Variants in MAP3K13 observed in about 807,000 individuals in gnomAD.
MAP3K13 encodes mitogen-activated protein kinase kinase kinase 13.
In MAP3K13, 52 loss-of-function variants were observed where a neutral mutation model predicts 104.0. The ratio of observed to expected loss-of-function variants is 0.50; its 90% confidence interval spans 0.40 to 0.63. The LOEUF is 0.63. MAP3K13 is among the 20% of genes least tolerant of loss of function. MAP3K13 has a pLI of 0.00. For synonymous variants in MAP3K13, 394 were observed against 442.2 expected, an observed-to-expected ratio of 0.89 and a Z score of 1.37; for missense variants, 914 against 1,218.5, an observed-to-expected ratio of 0.75 and a Z score of 3.72.
Position 185,473,709 on chromosome 3 carries a change from C to T in MAP3K13, c.2378C>T (p.Ser793Phe), listed in dbSNP as rs1228841898. 2 of 1,614,092 alleles carry T rather than the reference C, an allele frequency of 1.2e-6. No homozygotes were observed. Among genetic ancestry groups the T allele is most frequent in the Non-Finnish European group, 1.7e-6 (2 of 1,180,026 alleles). ...AGGTCTGAGTCATCCCTCGGCACCT[C>T]TCATCTCGGCACCCCTCCAGCGCTA... is the stretch of plus-strand genomic sequence containing the variant. ...GCRSESSLGT[S>F]HLGTPPALPR... The change falls in exon 11 of 14, where the codon TCT (serine) becomes TTT (phenylalanine). Residue 793 changes from serine to phenylalanine, a missense_variant. Transcript: ENST00000265026. This position sits in a 1 kb window ranked among gnomAD's most constrained non-coding sequence, Gnocchi z 4.9.
intron 1 of MAP3K13, among the ~76,000 whole-genome samples, chr3:185,371,430 A>T (rs1406419983): frequency 6.6e-6 from 1 of 152,242 alleles, no homozygotes; most frequent in African/African-American, 2.4e-5. Flanking sequence ...GTAACTGTAC[A>T]ATTTTAATTG....
Position 185,451,363 on chromosome 3 carries a change from G to A in MAP3K13, c.1246G>A (p.Ala416Thr), listed in dbSNP as rs144837352. Residue 416 changes from alanine (A) to threonine (T), a missense_variant, in exon 7 of 14, where the codon GCC becomes ACC. Around this residue, in one of 3 missense-constraint regions of MAP3K13, gnomAD observed 583 missense variants for 737.4 expected, o/e 0.79. Transcript: ENST00000265026. ...HLDIASADVLATPQETYFKSQ... is the reference protein window; with the variant it reads ...HLDIASADVLTTPQETYFKSQ... ...AGACATTGCCTCTGCAGATGTACTT[G>A]CCACCCCACAAGAAACTTACTTCAA... The A allele has an allele frequency of 1.7e-4, 271 of 1,613,470 alleles. No individual in the cohort carries two copies. Among genetic ancestry groups the A allele is most frequent in the Non-Finnish European group, 2.1e-4 (251 of 1,179,602 alleles).
chr3:185,373,678 C>G (rs552091026), intron 1 of MAP3K13, among the ~76,000 whole-genome samples: 1 of 152,214 alleles, frequency 6.6e-6, no homozygotes, highest in African/African-American at 2.4e-5. Context: ...TTTTCTGATA[C>G]TTTAATGATA....
intron 1 of MAP3K13, among the ~76,000 whole-genome samples, chr3:185,283,798 G>C (rs1411683900): frequency 7.9e-5 from 12 of 152,132 alleles, no homozygotes; most frequent in Non-Finnish European, 2.9e-5. Context: ...TACCAGGGAG[G>C]AGTTGGACCG....
intron 7 of MAP3K13, among the ~76,000 whole-genome samples, chr3:185,459,071 G>A (rs960653837): frequency 2.6e-5 from 4 of 152,164 alleles, no homozygotes; most frequent in East Asian, 1.9e-4. Flanking sequence ...TCACCCTGCT[G>A]CCTTTGCATC....
chr3:185,422,804 C>G (rs1353366123), intron 1 of MAP3K13, among the ~76,000 whole-genome samples: 1 of 152,172 alleles, frequency 6.6e-6, no homozygotes, highest in Non-Finnish European at 1.5e-5. Flanking sequence ...GGTCTGGTAC[C>G]AGTCTGTGGC....
At position 185,319,323 on chromosome 3, in the gene MAP3K13, G is replaced by A. The variant is rs181317580; in HGVS notation, c.-86+33680G>A. ...TGCACCTAAGTATACATATATTCCT[G>A]TGTTTGTATCTACCGCATATATGCA... On this transcript the variant is annotated intron_variant, in intron 2 of 14. Transcript: ENST00000424227. Among the ~76,000 whole-genome samples the A allele has an allele frequency of 4.6e-4, 70 of 152,290 alleles. 1 individual carries two copies. The South Asian group carries it at 5.2e-3, about 11-fold the overall frequency.
intron 10 of MAP3K13, among the ~76,000 whole-genome samples, chr3:185,467,781 CAAAAAAAAA>C (rs1170149474): frequency 1.7e-5 from 1 of 58,268 alleles, no homozygotes; most frequent in South Asian, 6.0e-4. Flanking sequence ...GACTCTGTCT[CAAAAAAAAA>C]AAAAAAAAAG....
rs761374518 is a variant in MAP3K13, at chr3:185,437,647, T to TA, written c.659+17_659+18insA. 2.5e-6 allele frequency: 4 copies of TA among 1,572,216 alleles called. 1 individual carries two copies. In the South Asian group the frequency reaches 4.8e-5, roughly 19 times the overall value. On this transcript the variant is annotated intron_variant, in intron 3 of 13. Coordinates refer to ENST00000265026, the MANE Select transcript of MAP3K13 (RefSeq NM_004721.5). ...CGCATTCAAGTAGGTCAAGGCTTTT[T>TA]TTTTTTAAGAAGTAGACCTATTTTC...
chr3:185,321,050 A>ACG (rs397701161), intron 2 of MAP3K13, among the ~76,000 whole-genome samples: 1 of 151,238 alleles, frequency 6.6e-6, no homozygotes, highest in Non-Finnish European at 1.5e-5. Flanking sequence ...GCGTGCACAC[A>ACG]TATACACATG....
rs996922602 is a variant in MAP3K13 at position 185,485,543 on chromosome 3, T to C, written c.*3087T>C. 6.6e-6 allele frequency: 1 copy of C among 152,056 alleles called. No individual in the cohort carries two copies. Among genetic ancestry groups the C allele is most frequent in the Admixed American group, 6.6e-5 (1 of 15,260 alleles). The allele number at this position is 152,056 out of a possible 1,614,324, so 9.4% of individuals were successfully genotyped here. A position where few individuals can be genotyped will look rare whatever the true frequency, so the allele number is the denominator to read the frequency against. ...ATCCTCCCTCTGTCCAGCATATTCA[T>C]GCTGCTCATCCATTAGTCACTTAGT... On this transcript the variant is annotated 3_prime_UTR_variant, in exon 14 of 14. Transcript: ENST00000265026.
chr3:185,370,593 G>C (rs1724102735), intron 1 of MAP3K13, among the ~76,000 whole-genome samples: 1 of 152,194 alleles, frequency 6.6e-6, no homozygotes. Flanking sequence ...GAGACATCTA[G>C]GTGATGGATT....
chr3:185,443,407 T>C (rs765725489), intron 3 of MAP3K13, 38 bp from the exon 4 acceptor site: 3 of 1,394,720 alleles, frequency 2.2e-6, no homozygotes, highest in Non-Finnish European at 3.0e-6. Context: ...TATACTTGTA[T>C]GTGTGTATTG....
At chr3:185,433,359 A>G (rs1714853650) in intron 2 of MAP3K13, among the ~76,000 whole-genome samples, 1 of 152,238 alleles carries the variant, frequency 6.6e-6, no homozygotes, top group Non-Finnish European at 1.5e-5. Flanking sequence ...TGGGACAGAC[A>G]TAGAAGCAAC....
intron 10 of MAP3K13, among the ~76,000 whole-genome samples, chr3:185,471,635 T>C (rs1717797796): frequency 6.6e-6 from 1 of 151,782 alleles, no homozygotes; most frequent in Admixed American, 6.6e-5. Flanking sequence ...AATTTTTATA[T>C]TTCTAGTAGA....
chr3:185,416,699 G>A (rs1713796128), intron 1 of MAP3K13, among the ~76,000 whole-genome samples: 1 of 152,100 alleles, frequency 6.6e-6, no homozygotes, highest in South Asian at 2.1e-4. Flanking sequence ...CGCAATCATG[G>A]CTCACTGCAG....
At chr3:185,369,603 A>G (rs185273699) in intron 1 of MAP3K13, among the ~76,000 whole-genome samples, 2 of 152,340 alleles carry the variant, frequency 1.3e-5, no homozygotes, top group East Asian at 3.9e-4. Flanking sequence ...ATAGTAAGGC[A>G]TAGTTAATGG....
chr3:185,466,517 C>T (rs966453419), intron 9 of MAP3K13, among the ~76,000 whole-genome samples: 23 of 151,990 alleles, frequency 1.5e-4, no homozygotes, highest in African/African-American at 5.1e-4. Flanking sequence ...GCTGAGACTA[C>T]AGGTGCATGC....
At chr3:185,465,169 G>A (rs1191549817) in intron 8 of MAP3K13, among the ~76,000 whole-genome samples, 2 of 152,078 alleles carry the variant, frequency 1.3e-5, no homozygotes, top group Non-Finnish European at 2.9e-5. Flanking sequence ...GTAGAGACAG[G>A]GTTTCACCAT....
Sources: allele counts gnomAD v4.1 joint callset (sites outside exome capture counted in the v4.1 genomes callset), GRCh38; gene constraint gnomAD v4.1.1; regional missense constraint gnomAD v4.1.1; non-coding constraint Gnocchi (gnomAD v3.1); transcripts MANE v1.5; gene names NCBI Gene and HGNC (gene_info 2026-07-23, HGNC 2026-07-21).